The following CAND1 variants were observed in gnomAD, a reference collection of about 807,000 sequenced individuals.
CAND1 encodes cullin-associated NEDD8-dissociated protein 1.
CAND1 carries 7 observed loss-of-function variants against 108.5 expected under a neutral mutation model. The ratio of observed to expected loss-of-function variants is 0.06; its 90% CI spans 0.04 to 0.12. The LOEUF (loss-of-function observed/expected upper bound fraction) is 0.12. CAND1 is among the 10% of genes least tolerant of loss of function. CAND1 has a pLI of 1.00. For missense variants in CAND1, 941 were observed against 1,448.7 expected, an observed-to-expected ratio of 0.65 and a Z score of 5.69; for synonymous variants, 534 against 512.0, an observed-to-expected ratio of 1.04 and a Z score of -0.58.
intron 1 of CAND1, chr12:67,270,359 G>C (rs2044508453): frequency 6.6e-6 from 1 of 152,482 alleles, no homozygotes; most frequent in Non-Finnish European, 1.5e-5. Flanking sequence ...CGTGAAGGTG[G>C]GAAGAAGGGG....
intron 2 of CAND1, among the ~76,000 whole-genome samples, chr12:67,290,085 C>T (rs1176347812): frequency 6.6e-6 from 1 of 152,194 alleles, no homozygotes; most frequent in Non-Finnish European, 1.5e-5. Flanking sequence ...TGTTTTCCAT[C>T]TGCCTTTTGT....
Position 67,314,261 on chromosome 12 carries a change from C to T in CAND1, c.*1431C>T, listed in dbSNP as rs2044985177. The T allele has an allele frequency of 6.6e-6, 1 of 152,110 alleles. No homozygotes were observed. Among genetic ancestry groups the T allele is most frequent in the South Asian group, 2.1e-4 (1 of 4,830 alleles). The allele number at this position is 152,110 out of a possible 1,614,324, so 9.4% of individuals were successfully genotyped here. A position where few individuals can be genotyped will look rare whatever the true frequency, so the allele number is the denominator to read the frequency against. The stretch of plus-strand genomic sequence containing the variant: ...TAGTTTTGAAACTGTGAATTAGAAA[C>T]ACTTTTCCTGCTGTATTACTACCTG... On this transcript the variant is annotated 3_prime_UTR_variant, in exon 15 of 15. Transcript: ENST00000545606.
At chr12:67,304,883 T>G (rs1454537281) in intron 9 of CAND1, 137 bp downstream of exon 9, 4 of 1,091,246 alleles carry the variant, frequency 3.7e-6, no homozygotes, top group African/African-American at 3.2e-5. Context: ...CTTTTTAATC[T>G]AACAATCTTG....
At position 67,297,785 on chromosome 12, in the gene CAND1, A is replaced by T; in HGVS notation, c.786A>T (p.Lys262Asn). The change falls in exon 6 of 15, where the codon AAA becomes AAT. Residue 262 changes from lysine (K) to asparagine (N), a missense_variant. Coordinates refer to ENST00000545606, the MANE Select transcript of CAND1 (RefSeq NM_018448.5). ...YLEKIIPLVV[K>N]FCNVDDDELR... ...AGAAGATAATTCCTTTGGTGGTAAA[A>T]TTTTGCAATGTAGATGATGATGAAT... is the stretch of plus-strand genomic sequence containing the variant. 1 of 1,610,132 alleles carries T rather than the reference A, an allele frequency of 6.2e-7. No homozygotes were observed. The highest frequency in any genetic ancestry group is 8.5e-7 in the Non-Finnish European group (1 of 1,177,262).
At chr12:67,272,188 G>T (rs7976779) in intron 1 of CAND1, among the ~76,000 whole-genome samples, 2,485 of 152,302 alleles carry the variant, frequency 0.016, 64 homozygotes, top group African/African-American at 0.056. Context: ...TACTAAGGAC[G>T]AGAGAAGAAA....
At chr12:67,302,092 CTAAT>C (rs2044830729) in intron 7 of CAND1, among the ~76,000 whole-genome samples, 1 of 152,038 alleles carries the variant, frequency 6.6e-6, no homozygotes, top group African/African-American at 2.4e-5. Context: ...AAATGTTTAA[CTAAT>C]TAAAAATACC....
At chr12:67,311,247 G>A (rs2044945991) in intron 13 of CAND1, 1 of 151,934 alleles carries the variant, frequency 6.6e-6, no homozygotes, top group Admixed American at 6.6e-5. Flanking sequence ...TGGGTTATCA[G>A]GTTTTACATG....
intron 11 of CAND1, among the ~76,000 whole-genome samples, chr12:67,309,469 G>A (rs1592625817): frequency 6.6e-6 from 1 of 151,880 alleles, no homozygotes; most frequent in Non-Finnish European, 1.5e-5. Flanking sequence ...TTAAGCAGTG[G>A]GTCTGTCTTC....
chr12:67,283,720 TC>T (rs2044641889), intron 2 of CAND1, among the ~76,000 whole-genome samples: 3 of 152,316 alleles, frequency 2.0e-5, no homozygotes, highest in African/African-American at 7.2e-5. Context: ...CCTGAATGTT[TC>T]TCAACCTTTT....
In CAND1 at chr12:67,297,434, T is replaced by C. The variant is rs781147405; in HGVS notation, c.519T>C (p.His173=). The change falls in exon 5 of 15, where the codon CAT becomes CAC. Residue 173 remains histidine (H), a synonymous_variant. Transcript: ENST00000545606. ...SRQGGLLVNF[H]PSILTCLLPQ... is the part of the protein sequence containing the mutation. ...AAGGAGGACTTCTTGTTAATTTCCA[T>C]CCTTCAATTCTGACCTGTCTACTTC... 6.2e-7 allele frequency: 1 copy of C among 1,612,166 alleles called. No homozygotes were observed. The highest frequency in any genetic ancestry group is 8.5e-7 in the Non-Finnish European group (1 of 1,179,406).
At chr12:67,297,929 G>A (rs767148324) in intron 6 of CAND1, 76 bp downstream of exon 6, 1 of 725,658 alleles carries the variant, frequency 1.4e-6, no homozygotes, top group Non-Finnish European at 2.3e-6. Flanking sequence ...CATTAGGTGT[G>A]TGAGGAGAAG....
chr12:67,305,184 T>A lies in CAND1; in HGVS notation c.1516T>A (p.Cys506Ser). Residue 506 changes from cysteine to serine, a missense_variant, in exon 10 of 15, where the codon TGT becomes AGT. Transcript: ENST00000545606. This position sits in a 1 kb window ranked among gnomAD's most constrained non-coding sequence, Gnocchi z 4.4. ...DALSCLYVIL[C>S]NHSPQVFHPH... ...TTTGTCATGTCTATACGTAATCCTC[T>A]GTAACCATTCTCCTCAAGTCTTCCA... is the stretch of plus-strand genomic sequence containing the variant. 1 of 1,614,184 alleles carries A rather than the reference T, an allele frequency of 6.2e-7. No homozygotes were observed. The highest frequency in any genetic ancestry group is 8.5e-7 in the Non-Finnish European group (1 of 1,179,994).
intron 10 of CAND1, 134 bp from the exon 11 acceptor site, chr12:67,307,263 A>G (rs992047530): frequency 4.7e-6 from 3 of 643,122 alleles, no homozygotes; most frequent in African/African-American, 3.6e-5. Flanking sequence ...TGTGTGCAAT[A>G]AGAAATACCC....
chr12:67,310,039 A>C lies in CAND1; in HGVS notation c.3164A>C (p.Glu1055Ala), dbSNP rs1435780287. ...LDTVLPHLYN[E>A]TKVRKELIRE... ...ACTGTTCTTCCACATCTTTACAATG[A>C]AACAAAAGTTAGAAAGGAGCTTATA... The change falls in exon 12 of 15, where the codon GAA becomes GCA. Residue 1055 changes from glutamate (E) to alanine (A), a missense_variant. This residue lies in a region of CAND1 where 106 missense variants were observed against 182.0 expected (regional missense o/e 0.58). Coordinates refer to ENST00000545606, the MANE Select transcript of CAND1 (RefSeq NM_018448.5). 5 of 1,612,268 alleles carry C rather than the reference A, an allele frequency of 3.1e-6. No individual in the cohort carries two copies. Among genetic ancestry groups the C allele is most frequent in the Non-Finnish European group, 4.2e-6 (5 of 1,178,898 alleles).
intron 2 of CAND1, among the ~76,000 whole-genome samples, chr12:67,288,662 T>C (rs896528800): frequency 2.6e-5 from 4 of 152,242 alleles, no homozygotes; most frequent in African/African-American, 9.6e-5. Flanking sequence ...GAGATTGGTC[T>C]CAACTTCAAA....
At chr12:67,289,753 G>T (rs1312457561) in intron 2 of CAND1, among the ~76,000 whole-genome samples, 1 of 151,918 alleles carries the variant, frequency 6.6e-6, no homozygotes, top group Non-Finnish European at 1.5e-5. Flanking sequence ...TTTATATTCG[G>T]TCTCTCCATG....
rs768170665 is a variant in CAND1 at position 67,297,647 on chromosome 12, A to G, written c.732A>G (p.Gln244=). The change falls in exon 5 of 15, where the codon CAA becomes CAG. Residue 244 remains glutamine (Q), a synonymous_variant. Coordinates refer to ENST00000545606, the MANE Select transcript of CAND1 (RefSeq NM_018448.5). ...AATGTATTGCTGCTATTAGTAGGCAAGCTGGTCATAGAATAGGTAAGAAAT... is the reference window on the plus strand; with the variant it reads ...AATGTATTGCTGCTATTAGTAGGCAGGCTGGTCATAGAATAGGTAAGAAAT... ...YIQCIAAISR[Q]AGHRIGEYLE... is the part of the protein sequence containing the mutation. The G allele has an allele frequency of 5.1e-5, 83 of 1,612,510 alleles. No individual in the cohort carries two copies. Among genetic ancestry groups the G allele is most frequent in the Non-Finnish European group, 6.5e-5 (77 of 1,178,972 alleles).
intron 6 of CAND1, 53 bp downstream of exon 6, chr12:67,297,906 A>ATGATTCTAC: frequency 9.9e-7 from 1 of 1,006,412 alleles, no homozygotes; most frequent in Non-Finnish European, 1.5e-6. Context: ...TAAGAGTAGA[A>ATGATTCTAC]TCATAAGGTC....
At chr12:67,297,712 A>G (rs953042209) in intron 5 of CAND1, 36 bp from the exon 6 acceptor site, 2 of 1,582,434 alleles carry the variant, frequency 1.3e-6, no homozygotes, top group African/African-American at 1.4e-5. Context: ...AAAAAAATTA[A>G]TGCATGTTTT....
Sources: gnomAD v4.1 joint callset for allele counts (sites outside exome capture counted in the v4.1 genomes callset) on GRCh38, gnomAD v4.1.1 for gene constraint, gnomAD v4.1.1 regional missense constraint, Gnocchi (gnomAD v3.1) non-coding constraint, MANE v1.5 for transcripts, NCBI Gene and HGNC (gene_info 2026-07-23, HGNC 2026-07-21) for gene names.